The following ASTN2 variants were observed in gnomAD, a reference collection of about 807,000 sequenced individuals.
The protein encoded by ASTN2 is astrotactin 2, also known as astrotactin-2.
A neutral mutation model predicts 139.8 loss-of-function variants in ASTN2; 54 were observed. The observed-to-expected ratio is 0.39, with a 90% CI of 0.31 to 0.48. The LOEUF (loss-of-function observed/expected upper bound fraction) is 0.48. Ranked by LOEUF, ASTN2 falls within the 20% of genes least tolerant of loss-of-function variation. The pLI is 0.95. For missense variants in ASTN2, 1,565 were observed against 1,725.1 expected (o/e 0.91, Z 1.64); for synonymous variants, 756 against 719.5 (o/e 1.05, Z -0.81).
intron 3 of ASTN2, among the ~76,000 whole-genome samples, chr9:117,175,069 A>T (rs1367515243): frequency 2.0e-5 from 3 of 152,076 alleles, no homozygotes; most frequent in East Asian, 3.9e-4. Flanking sequence ...ATGAAAATTT[A>T]AAAAAAATCT....
chr9:117,083,855 A>C (rs1173779370), intron 5 of ASTN2, among the ~76,000 whole-genome samples: 1 of 152,124 alleles, frequency 6.6e-6, no homozygotes, highest in Non-Finnish European at 1.5e-5. Flanking sequence ...GCTGGCTGGC[A>C]TTGCACAGGA....
chr9:117,071,837 C>T (rs1026978160), intron 5 of ASTN2, among the ~76,000 whole-genome samples: 2 of 152,100 alleles, frequency 1.3e-5, no homozygotes, highest in Middle Eastern at 3.2e-3. Flanking sequence ...CTTGCGCTTC[C>T]CAGGTGAGGC....
chr9:117,180,556 C>T, intron 3 of ASTN2: 1 of 705,166 alleles, frequency 1.4e-6, no homozygotes, highest in Non-Finnish European at 2.4e-6. Flanking sequence ...TATTTCAGCA[C>T]ACTCACAGCA....
chr9:116,885,442 G>T (rs1833571675), intron 10 of ASTN2, among the ~76,000 whole-genome samples: 1 of 152,168 alleles, frequency 6.6e-6, no homozygotes, highest in South Asian at 2.1e-4. Context: ...GAGGTGGGTG[G>T]ATCACCTGAG....
chr9:116,455,184 A>T (rs1588075360), intron 20 of ASTN2, among the ~76,000 whole-genome samples: 1 of 152,122 alleles, frequency 6.6e-6, no homozygotes, highest in Non-Finnish European at 1.5e-5. Context: ...CCCTGTCTCT[A>T]CTGAAAATAC....
intron 11 of ASTN2, among the ~76,000 whole-genome samples, chr9:116,836,329 G>T (rs547513505): frequency 6.6e-6 from 1 of 152,182 alleles, no homozygotes; most frequent in African/African-American, 2.4e-5. Context: ...TGGATTAGGG[G>T]TGGAAGGCCA....
chr9:116,484,783 G>C (rs189964096), intron 20 of ASTN2, among the ~76,000 whole-genome samples: 2 of 152,316 alleles, frequency 1.3e-5, no homozygotes, highest in Admixed American at 1.3e-4. Context: ...TATTTTAAGA[G>C]GTGGAAAGGA....
At chr9:117,397,109 T>C (rs1830698433) in intron 1 of ASTN2, among the ~76,000 whole-genome samples, 2 of 151,786 alleles carry the variant, frequency 1.3e-5, no homozygotes. Context: ...GCCTGGCTAA[T>C]TTTTTGTATT....
At chr9:116,440,234 A>G (rs968930456) in intron 22 of ASTN2, among the ~76,000 whole-genome samples, 3 of 152,154 alleles carry the variant, frequency 2.0e-5, no homozygotes, top group Non-Finnish European at 2.9e-5. Flanking sequence ...CTTATGGAAG[A>G]CTGAGAAAGG....
chr9:116,627,252 G>A (rs556235652), intron 17 of ASTN2, among the ~76,000 whole-genome samples: 1 of 152,298 alleles, frequency 6.6e-6, no homozygotes, highest in African/African-American at 2.4e-5. Flanking sequence ...GTAGCAACTA[G>A]GGAGTAGCCG....
rs535366004 is a variant in ASTN2, at chr9:116,689,495, C to A, written c.2806+36276G>T. ...AGGCTCTACTGTATTCAGTTTTACA[C>A]ATGAGGAAACTAAGGCTTAGGAAGT... On this transcript the variant is annotated intron_variant, in intron 16 of 22. Coordinates refer to ENST00000313400, the MANE Select transcript of ASTN2 (RefSeq NM_001365068.1). 3.3e-5 allele frequency among the ~76,000 whole-genome samples: 5 copies of A among 152,282 alleles called. No individual in the cohort carries two copies. The Middle Eastern group carries it at 0.017, about 518-fold the overall frequency.
chr9:116,885,161 G>A (rs1220631325), intron 10 of ASTN2, among the ~76,000 whole-genome samples: 10 of 151,886 alleles, frequency 6.6e-5, no homozygotes, highest in Admixed American at 5.2e-4. Flanking sequence ...TTAGTTAATG[G>A]GTATAAATAT....
chr9:116,922,850 A>G (rs1358502803), intron 10 of ASTN2, among the ~76,000 whole-genome samples: 1 of 152,184 alleles, frequency 6.6e-6, no homozygotes, highest in African/African-American at 2.4e-5. Flanking sequence ...GTGGGCTGGA[A>G]GTTTGGAGAC....
intron 5 of ASTN2, among the ~76,000 whole-genome samples, chr9:117,044,414 A>T (rs1241307466): frequency 6.6e-6 from 1 of 152,222 alleles, no homozygotes; most frequent in Non-Finnish European, 1.5e-5. Context: ...CCAGATGCCC[A>T]TGGAGCAGCA....
intron 10 of ASTN2, among the ~76,000 whole-genome samples, chr9:116,906,561 A>G (rs1159703767): frequency 6.6e-6 from 1 of 152,148 alleles, no homozygotes; most frequent in Non-Finnish European, 1.5e-5. Flanking sequence ...CCCTATGTTA[A>G]ATACTGTTGG....
chr9:116,929,458 C>CT (rs1834842355), intron 10 of ASTN2, among the ~76,000 whole-genome samples: 1 of 152,074 alleles, frequency 6.6e-6, no homozygotes, highest in African/African-American at 2.4e-5. Flanking sequence ...GGCACTGAGA[C>CT]TTTTTTTGGG....
chr9:117,208,968 G>C (rs534712269), intron 3 of ASTN2, among the ~76,000 whole-genome samples: 28 of 152,274 alleles, frequency 1.8e-4, no homozygotes, highest in South Asian at 1.4e-3. Context: ...TACAAGAAAT[G>C]CTCAGTGAAG....
At chr9:117,117,763 C>A (rs1229571430) in intron 4 of ASTN2, among the ~76,000 whole-genome samples, 1 of 152,128 alleles carries the variant, frequency 6.6e-6, no homozygotes, top group African/African-American at 2.4e-5. Context: ...TTTCCCTGAG[C>A]TAACAATCCC....
chr9:116,484,960 C>T (rs1849291095), intron 20 of ASTN2, among the ~76,000 whole-genome samples: 1 of 152,184 alleles, frequency 6.6e-6, no homozygotes, highest in African/African-American at 2.4e-5. Flanking sequence ...GTCCAGCTGA[C>T]ATCAAGCCCC....
Sources: gnomAD v4.1 joint callset for allele counts (sites outside exome capture counted in the v4.1 genomes callset) on GRCh38, gnomAD v4.1.1 for gene constraint, MANE v1.5 for transcripts, NCBI Gene and HGNC (gene_info 2026-07-23, HGNC 2026-07-21) for gene names.